Variants in RYR3 observed in about 807,000 individuals in gnomAD.
The protein encoded by RYR3 is ryanodine receptor 3.
A neutral mutation model predicts 584.3 loss-of-function variants in RYR3; 207 were observed. The ratio of observed to expected loss-of-function variants is 0.35; its 90% CI spans 0.32 to 0.40. RYR3 has a LOEUF of 0.40. Ranked by LOEUF, RYR3 falls within the 10% of genes least tolerant of loss-of-function variation. The pLI is 1.00. For synonymous variants in RYR3, 2,416 were observed against 2,248.5 expected, an observed-to-expected ratio of 1.07 and a Z score of -2.11; for missense variants, 5,616 against 6,089.2, an observed-to-expected ratio of 0.92 and a Z score of 2.59.
chr15:33,703,394 A>G (rs957099519), intron 42 of RYR3, among the ~76,000 whole-genome samples: 1 of 152,204 alleles, frequency 6.6e-6, no homozygotes, highest in Admixed American at 6.5e-5. Context: ...GGAAGCTGGA[A>G]GTCCAAGATC....
chr15:33,679,282 G>A (rs917003922), intron 38 of RYR3, among the ~76,000 whole-genome samples: 14 of 151,818 alleles, frequency 9.2e-5, no homozygotes, highest in Non-Finnish European at 1.5e-5. Flanking sequence ...CCATCAAGTT[G>A]CCACAGCTCA....
intron 87 of RYR3, 95 bp downstream of exon 87, chr15:33,835,167 A>G: frequency 1.0e-6 from 1 of 971,978 alleles, no homozygotes; most frequent in Non-Finnish European, 1.6e-6. Flanking sequence ...CTGCTTGATC[A>G]AAGGCTGGAC....
At chr15:33,501,217 C>T (rs17817220) in intron 2 of RYR3, among the ~76,000 whole-genome samples, 7,641 of 152,210 alleles carry the variant, frequency 0.05, 269 homozygotes, top group Non-Finnish European at 0.08. Flanking sequence ...GAAAGGACAG[C>T]TATAATCATA....
intron 1 of RYR3, among the ~76,000 whole-genome samples, chr15:33,342,709 CTT>C (rs1388920410): frequency 6.6e-6 from 1 of 152,156 alleles, no homozygotes; most frequent in Non-Finnish European, 1.5e-5. Flanking sequence ...AGATGCTTCT[CTT>C]CAAAATGGCA....
intron 42 of RYR3, among the ~76,000 whole-genome samples, chr15:33,705,101 T>TCTCTCTCTCTC (rs1156781766): frequency 4.2e-5 from 6 of 142,216 alleles, no homozygotes; most frequent in African/African-American, 8.1e-5. Flanking sequence ...CACACACTCT[T>TCTCTCTCTCTC]TCTCTCTCTC....
At chr15:33,464,476 A>ATC (rs1336034970) in intron 1 of RYR3, among the ~76,000 whole-genome samples, 5 of 87,306 alleles carry the variant, frequency 5.7e-5, no homozygotes, top group Non-Finnish European at 1.0e-4. Context: ...ATATATATAT[A>ATC]TATATATATA....
At chr15:33,518,343 AT>A (rs965670606) in intron 3 of RYR3, among the ~76,000 whole-genome samples, 2 of 151,934 alleles carry the variant, frequency 1.3e-5, no homozygotes, top group African/African-American at 2.4e-5. Flanking sequence ...TTGAATTATT[AT>A]TTTTTTTCTT....
intron 74 of RYR3, among the ~76,000 whole-genome samples, chr15:33,814,900 CAAA>C (rs66623531): frequency 1.2e-4 from 11 of 91,786 alleles, no homozygotes; most frequent in African/African-American, 4.8e-4. Flanking sequence ...GACTCTGTCT[CAAA>C]AAAAAAAAAA....
Position 33,550,214 on chromosome 15 carries a change from C to A in RYR3, c.870C>A (p.Thr290=), listed in dbSNP as rs759684951. The A allele has an allele frequency of 1.2e-6, 2 of 1,613,696 alleles. No individual in the cohort carries two copies. The highest frequency in any genetic ancestry group is 1.7e-6 in the Non-Finnish European group (2 of 1,179,818). ...AGGCTTTCCGACTCCGGCATCTCAC[C>A]ACAGGCCACTACCTGGCCTTGACAG... ...WGQAFRLRHL[T]TGHYLALTED... Residue 290 remains threonine, a synonymous_variant, in exon 10 of 104, where the codon ACC becomes ACA. Coordinates refer to ENST00000634891, the MANE Select transcript of RYR3 (RefSeq NM_001036.6).
chr15:33,646,278 C>T (rs2062096525), intron 28 of RYR3, 73 bp from the exon 29 acceptor site: 1 of 1,364,838 alleles, frequency 7.3e-7, no homozygotes, highest in Non-Finnish European at 1.0e-6. Context: ...TGTGCATGTC[C>T]ACGAGGGAAA....
intron 2 of RYR3, among the ~76,000 whole-genome samples, chr15:33,487,411 G>A (rs1596335457): frequency 6.6e-6 from 1 of 152,134 alleles, no homozygotes; most frequent in Admixed American, 6.5e-5. Context: ...TGAGACTTTT[G>A]GGTTTAATCC....
chr15:33,771,964 G>A lies in RYR3; in HGVS notation c.8861G>A (p.Arg2954Gln), dbSNP rs1174565531. The part of the protein sequence containing the change: ...SGSELVKAGL[R>Q]AFFENAAEDL... ...TCAGAGCTGGTGAAGGCTGGGTTAC[G>A]AGCATTCTTTGAAAATGCTGCAGAA... The change falls in exon 63 of 104, where the codon CGA becomes CAA. Residue 2954 changes from arginine to glutamine, a missense_variant. Arg to Gln is a conservative substitution (Grantham distance 43). Coordinates refer to ENST00000634891, the MANE Select transcript of RYR3 (RefSeq NM_001036.6). 6 of 1,613,214 alleles carry A rather than the reference G, an allele frequency of 3.7e-6. No homozygotes were observed. The highest frequency in any genetic ancestry group is 1.1e-5 in the South Asian group (1 of 90,770).
chr15:33,350,037 T>C (rs970256752), intron 1 of RYR3, among the ~76,000 whole-genome samples: 7 of 151,976 alleles, frequency 4.6e-5, no homozygotes, highest in Non-Finnish European at 8.8e-5. Context: ...CTATTGTGAA[T>C]AGTGCTGCAA....
At position 33,586,078 on chromosome 15, in the gene RYR3, A is replaced by G. The variant is rs1335300844; in HGVS notation, c.1750A>G (p.Ile584Val). 2 of 1,613,278 alleles carry G rather than the reference A, an allele frequency of 1.2e-6. No homozygotes were observed. The highest frequency in any genetic ancestry group is 1.1e-5 in the South Asian group (1 of 91,076). ...NLIAEGHIKS[I>V]ISLLDKHGRN... ...GATAGCGGAGGGCCACATCAAGTCG[A>G]TCATCTCCCTGTTGGATAAGCACGG... Residue 584 changes from isoleucine (I) to valine (V), a missense_variant, in exon 16 of 104, where the codon ATC becomes GTC. By Grantham distance (29) the Ile-to-Val change is conservative (BLOSUM62 3). Coordinates refer to ENST00000634891, the MANE Select transcript of RYR3 (RefSeq NM_001036.6).
chr15:33,334,571 A>G (rs2140718646), intron 1 of RYR3, among the ~76,000 whole-genome samples: 1 of 152,328 alleles, frequency 6.6e-6, no homozygotes, highest in Admixed American at 6.5e-5. Context: ...CCCAAAAACT[A>G]TAAAAACCCA....
chr15:33,563,204 A>G (rs1453030134), intron 11 of RYR3, among the ~76,000 whole-genome samples, 194 bp downstream of exon 11: 2 of 152,210 alleles, frequency 1.3e-5, no homozygotes, highest in East Asian at 1.9e-4. Context: ...CCCATGTTCA[A>G]TGGGGGAAAA....
intron 19 of RYR3, among the ~76,000 whole-genome samples, chr15:33,622,517 G>A (rs555099436): frequency 6.6e-6 from 1 of 152,306 alleles, no homozygotes; most frequent in East Asian, 1.9e-4. Context: ...CTCCCAATCA[G>A]TAATTAACGC....
Position 33,788,445 on chromosome 15 carries a change from G to T in RYR3, c.9817G>T (p.Val3273Leu). Residue 3273 changes from valine (V) to leucine (L), a missense_variant, in exon 67 of 104, where the codon GTG (valine) becomes TTG (leucine). Val to Leu is a conservative substitution (Grantham distance 32, BLOSUM62 1). Transcript: ENST00000634891. ...YAFYPMLIRY[V>L]DNNRSNWLKS... is the part of the protein sequence containing the mutation. ...CTTCTACCCCATGCTGATCCGCTAC[G>T]TGGACAACAACAGGTACGGAGGAGA... 6.2e-7 allele frequency: 1 copy of T among 1,613,804 alleles called. No homozygotes were observed. Among genetic ancestry groups the T allele is most frequent in the South Asian group, 1.1e-5 (1 of 91,076 alleles).
chr15:33,522,483 G>A (rs186159115), intron 3 of RYR3, among the ~76,000 whole-genome samples: 164 of 152,148 alleles, frequency 1.1e-3, no homozygotes, highest in Non-Finnish European at 1.5e-3. Flanking sequence ...TCTGACTCTC[G>A]GCTTTAGATT....
Sources: allele counts gnomAD v4.1 joint callset (sites outside exome capture counted in the v4.1 genomes callset), GRCh38; gene constraint gnomAD v4.1.1; transcripts MANE v1.5; gene names NCBI Gene and HGNC (gene_info 2026-07-23, HGNC 2026-07-21).